HOOK2: variants seen among roughly 807,000 people sequenced by gnomAD.
The protein encoded by HOOK2 is protein Hook homolog 2.
In HOOK2, 108 loss-of-function variants were observed where a neutral mutation model predicts 111.9. That is an observed-to-expected ratio of 0.96 (90% CI 0.83 to 1.13). The LOEUF is 1.13. Among genes scored for constraint, HOOK2 ranks in the 50% most tolerant of loss-of-function variants. The pLI, the probability that HOOK2 is intolerant of heterozygous loss-of-function variation, is 0.00. For missense variants in HOOK2, 978 were observed against 951.3 expected, an observed-to-expected ratio of 1.03 and a Z score of -0.37; for synonymous variants, 405 against 394.3, an observed-to-expected ratio of 1.03 and a Z score of -0.32.
chr19:12,783,840 CGGG>C (rs1375223795), intron 3 of HOOK2, among the ~76,000 whole-genome samples: 1 of 152,200 alleles, frequency 6.6e-6, no homozygotes, highest in Non-Finnish European at 1.5e-5. Context: ...GAGTCCTTGC[CGGG>C]CAGGCCATGC....
intron 10 of HOOK2, among the ~76,000 whole-genome samples, chr19:12,770,694 T>C (rs1464563967): frequency 3.7e-5 from 4 of 107,112 alleles, no homozygotes; most frequent in African/African-American, 1.5e-4. Flanking sequence ...CTTGGAAGCA[T>C]ACTGTGGGAT....
Position 12,763,634 on chromosome 19 carries a change from G to A in HOOK2, c.1938+34C>T, listed in dbSNP as rs781512812. ...AGGCAAGTGTCAGGGGCCTAGATAC[G>A]TTGGAGGCAGCGTAAAGGGACGAGG... On this transcript the variant is annotated intron_variant, in intron 21 of 22. Coordinates refer to ENST00000397668, the MANE Select transcript of HOOK2 (RefSeq NM_013312.3). 43 of 1,613,876 alleles carry A rather than the reference G, an allele frequency of 2.7e-5. No homozygotes were observed. In the Admixed American group the frequency reaches 4.2e-4, roughly 16 times the overall value.
rs1273950532 is a variant in HOOK2, at chr19:12,790,482, A to T, written n.42-16257T>A. Among the ~76,000 whole-genome samples, 5 of 152,154 alleles carry T rather than the reference A, an allele frequency of 3.3e-5. No individual in the cohort carries two copies. On this transcript the variant is annotated intron_variant and non_coding_transcript_variant, in intron 3 of 3. Coordinates refer to the HOOK2 transcript ENST00000589765. The surrounding 1 kb of genome is among the most constrained non-coding windows in gnomAD (Gnocchi z 7.2). Reference sequence around the variant, plus strand: ...AGGGTCAATAGGGGAGGGTTTTAGGATGGGGGACAGAGAATACAGATGACT... The same window carrying T: ...AGGGTCAATAGGGGAGGGTTTTAGGTTGGGGGACAGAGAATACAGATGACT...
At chr19:12,765,759 C>T (rs2081530120) in intron 17 of HOOK2, 35 bp from the exon 18 acceptor site, 1 of 1,614,116 alleles carries the variant, frequency 6.2e-7, no homozygotes, top group Non-Finnish European at 8.5e-7. Flanking sequence ...AGTGGGGGAT[C>T]CAGAGAGGCC....
chr19:12,785,140 C>T (rs78884944), intron 3 of HOOK2: 372 of 152,982 alleles, frequency 2.4e-3, no homozygotes, highest in Non-Finnish European at 3.6e-3. Context: ...ATGACAAAAC[C>T]TGTTTGCACA....
At position 12,774,707 on chromosome 19, in the gene HOOK2, C is replaced by T; in HGVS notation, c.166G>A (p.Gly56Ser). 5 of 1,614,156 alleles carry T rather than the reference C, an allele frequency of 3.1e-6. No individual in the cohort carries two copies. Among genetic ancestry groups the T allele is most frequent in the Non-Finnish European group, 4.2e-6 (5 of 1,180,024 alleles). The change falls in exon 3 of 23, where the codon GGC (glycine) becomes AGC (serine). Residue 56 changes from glycine to serine, a missense_variant. Gly to Ser is a moderately conservative substitution (Grantham distance 56, BLOSUM62 0). This residue lies in a region of HOOK2 where 301 missense variants were observed against 286.1 expected (regional missense o/e 1.05). Transcript: ENST00000397668. ...PSWFNEAWLQGISEDPGPNWK... is the reference protein window; with the variant it reads ...PSWFNEAWLQSISEDPGPNWK... ...TTGGGACCTGGATCTTCCGAGATGC[C>T]CTGGAGCCATGCCTCGTTGAACCAG...
upstream of HOOK2, chr19:12,775,733 G>A: frequency 2.9e-6 from 1 of 339,246 alleles, no homozygotes. Flanking sequence ...CCAGCCTTGT[G>A]CATCCGAGGG....
upstream of HOOK2, among the ~76,000 whole-genome samples, chr19:12,783,433 A>G (rs552405940): frequency 7.8e-4 from 115 of 147,568 alleles, no homozygotes; most frequent in African/African-American, 2.5e-3. Flanking sequence ...CGCGGCGATG[A>G]AACGGTTAAA....
rs200566091 is a variant in HOOK2 at position 12,763,322 on chromosome 19, C to T, written c.2120G>A (p.Arg707His). ...GGGGCGAAGGTTCAGAGATGCCAGGCGTCCCAAGGGTCCACGGCGAGAATT... is the reference window on the plus strand; with the variant it reads ...GGGGCGAAGGTTCAGAGATGCCAGGTGTCCCAAGGGTCCACGGCGAGAATT... ...ATNSRRGPLG[R>H]LASLNLRPTD... The change falls in exon 23 of 23, where the codon CGC (arginine) becomes CAC (histidine). Residue 707 changes from arginine (R) to histidine (H), a missense_variant. Arg to His is a conservative substitution (Grantham distance 29). This residue lies in a region of HOOK2 where 277 missense variants were observed against 265.8 expected (regional missense o/e 1.04). Transcript: ENST00000397668. 58 of 1,614,024 alleles carry T rather than the reference C, an allele frequency of 3.6e-5. No individual in the cohort carries two copies. The highest frequency in any genetic ancestry group is 4.5e-5 in the Non-Finnish European group (53 of 1,180,038).
chr19:12,767,474 G>T lies in HOOK2; in HGVS notation c.1304-10C>A, dbSNP rs1198491453. The T allele has an allele frequency of 1.9e-6, 3 of 1,611,428 alleles. No individual in the cohort carries two copies. The African/African-American group carries it at 4.0e-5, about 22-fold the overall frequency. On this transcript the variant is annotated splice_polypyrimidine_tract_variant and intron_variant, in intron 13 of 22. Transcript: ENST00000397668. ...GGATCCAGTGAGGGATCTGAAGAAT[G>T]CGAGAAAAGTCTTCAGGTCTCTTCG...
chr19:12,779,994 A>G (rs1400737239), upstream of HOOK2, among the ~76,000 whole-genome samples: 1 of 152,074 alleles, frequency 6.6e-6, no homozygotes, highest in Non-Finnish European at 1.5e-5. Context: ...TACTAATAAT[A>G]CAATAATCAG....
chr19:12,771,713 C>T, intron 7 of HOOK2: 2 of 531,844 alleles, frequency 3.8e-6, no homozygotes, highest in Non-Finnish European at 6.8e-6. Flanking sequence ...CGAACCCCTT[C>T]TCTACTAAAA....
chr19:12,768,353 C>T (rs1211023550), intron 11 of HOOK2, among the ~76,000 whole-genome samples: 2 of 152,138 alleles, frequency 1.3e-5, no homozygotes, highest in Non-Finnish European at 2.9e-5. Context: ...CTTCAGCCTC[C>T]CAAAGCACTG....
intron 3 of HOOK2, 69 bp from the exon 4 acceptor site, chr19:12,773,113 C>G: frequency 1.4e-6 from 2 of 1,437,774 alleles, no homozygotes; most frequent in Non-Finnish European, 2.0e-6. Flanking sequence ...GTCCCATCCT[C>G]TCTCCACCTC....
rs771081409 is a variant in HOOK2 at position 12,774,879 on chromosome 19, GAACGTGGAACGTCTGT to G, written c.48_63del (p.Leu16PhefsTer11). ...TCCTGAGGGCTGGCACAGGGAGACG[GAACGTGGAACGTCTGT>G]AACTGAGGGGTAAAGGAAAGGACAA... On this transcript the variant is annotated frameshift_variant and splice_region_variant, in exon 2 of 23. Coordinates refer to ENST00000397668, the MANE Select transcript of HOOK2 (RefSeq NM_013312.3). LOFTEE classifies it high-confidence loss of function. The G allele has an allele frequency of 1.2e-6, 2 of 1,613,852 alleles. No homozygotes were observed. Among genetic ancestry groups the G allele is most frequent in the Non-Finnish European group, 1.7e-6 (2 of 1,179,894 alleles).
chr19:12,775,962 C>T (rs1968496526), upstream of HOOK2, among the ~76,000 whole-genome samples: 1 of 146,760 alleles, frequency 6.8e-6, no homozygotes, highest in African/African-American at 2.6e-5. Context: ...CTGCAGGCTC[C>T]GCCCCCTGGG....
chr19:12,774,557 T>C, intron 3 of HOOK2, 112 bp downstream of exon 3: 2 of 991,852 alleles, frequency 2.0e-6, no homozygotes, highest in Non-Finnish European at 3.2e-6. Context: ...AAATGGTTGA[T>C]CACCAGACAT....
In HOOK2 at chr19:12,772,682, T is replaced by C; in HGVS notation, c.389-2A>G. The C allele has an allele frequency of 6.2e-7, 1 of 1,614,204 alleles. No homozygotes were observed. Among genetic ancestry groups the C allele is most frequent in the Non-Finnish European group, 8.5e-7 (1 of 1,180,012 alleles). ...GCGTCATGATTCTCTGGATGTGGTC[T>C]GGGGATCAAGGTGGGGGAGGCTGAG... On this transcript the variant is annotated splice_acceptor_variant, in intron 5 of 22. Coordinates refer to ENST00000397668, the MANE Select transcript of HOOK2 (RefSeq NM_013312.3). LOFTEE classifies it high-confidence loss of function.
rs761376799 is a variant in HOOK2, at chr19:12,772,198, CA to C, written c.510del (p.Phe170LeufsTer11). ...DSLSPETYGN[F>X]DSQSRRYYFL... ...TCCCCCAAATCTCTTACCTGGCTGT[CA>C]AAGTTGCCATACGTCTCTGGTGACA... On this transcript the variant is annotated frameshift_variant, in exon 7 of 23. Transcript: ENST00000397668. LOFTEE classifies it high-confidence loss of function. 4.3e-6 allele frequency: 7 copies of C among 1,612,888 alleles called. No homozygotes were observed. The highest frequency in any genetic ancestry group is 5.9e-6 in the Non-Finnish European group (7 of 1,178,954).
Sources: allele counts gnomAD v4.1 joint callset (sites outside exome capture counted in the v4.1 genomes callset), GRCh38; gene constraint gnomAD v4.1.1; regional missense constraint gnomAD v4.1.1; non-coding constraint Gnocchi (gnomAD v3.1); transcripts MANE v1.5; gene names NCBI Gene and HGNC (gene_info 2026-07-23, HGNC 2026-07-21).